The following SSBP2 variants were observed in gnomAD, a reference collection of about 807,000 sequenced individuals.
SSBP2 encodes the protein single-stranded DNA-binding protein 2.
A neutral mutation model predicts 61.8 loss-of-function variants in SSBP2; 17 were observed. That is an observed-to-expected ratio of 0.28 (90% CI 0.19 to 0.41). SSBP2 has a LOEUF of 0.41. Ranked by LOEUF, SSBP2 falls within the 10% of genes least tolerant of loss-of-function variation. The pLI is 1.00. For synonymous variants in SSBP2, 139 were observed against 141.3 expected, an observed-to-expected ratio of 0.98 and a Z score of 0.12; for missense variants, 310 against 458.7, an observed-to-expected ratio of 0.68 and a Z score of 2.96.
chr5:81,441,876 T>C (rs1409975120), intron 13 of SSBP2, among the ~76,000 whole-genome samples: 1 of 152,206 alleles, frequency 6.6e-6, no homozygotes. Flanking sequence ...ATCAAAAGCA[T>C]AGTTTAGATA....
chr5:81,435,701 T>C (rs1364857377), intron 15 of SSBP2, among the ~76,000 whole-genome samples: 20 of 152,214 alleles, frequency 1.3e-4, no homozygotes, highest in Non-Finnish European at 8.8e-5. Context: ...CAGAATTTTG[T>C]TTATATCTAT....
At chr5:81,472,703 G>T (rs1374521775) in intron 8 of SSBP2, among the ~76,000 whole-genome samples, 1 of 152,030 alleles carries the variant, frequency 6.6e-6, no homozygotes, top group Admixed American at 6.6e-5. Context: ...AGGTTTAAGC[G>T]ATTCTTCTGC....
intron 4 of SSBP2, among the ~76,000 whole-genome samples, chr5:81,576,118 T>A (rs957276414): frequency 1.3e-5 from 2 of 152,092 alleles, no homozygotes; most frequent in Non-Finnish European, 2.9e-5. Context: ...ATAGTTTAGT[T>A]CATAGTAGCA....
chr5:81,493,257 G>A (rs1767005259), intron 5 of SSBP2, among the ~76,000 whole-genome samples: 1 of 102,580 alleles, frequency 9.7e-6, no homozygotes, highest in Non-Finnish European at 2.2e-5. Flanking sequence ...AAAACAGATA[G>A]ATAGATAGAT....
intron 1 of SSBP2, among the ~76,000 whole-genome samples, chr5:81,742,222 G>GA (rs577089054): frequency 5.1e-4 from 78 of 152,086 alleles, no homozygotes; most frequent in African/African-American, 1.9e-3. Context: ...CAAAGAAAAT[G>GA]AAAAAATTCT....
At chr5:81,500,803 A>C (rs904641552) in intron 5 of SSBP2, among the ~76,000 whole-genome samples, 8 of 152,136 alleles carry the variant, frequency 5.3e-5, no homozygotes, top group African/African-American at 1.7e-4. Context: ...TATTGCACCA[A>C]GAAGTCTGTT....
At chr5:81,614,740 G>A (rs1197491804) in intron 4 of SSBP2, among the ~76,000 whole-genome samples, 2 of 151,758 alleles carry the variant, frequency 1.3e-5, no homozygotes, top group African/African-American at 4.8e-5. Context: ...CTCTTTTATG[G>A]TTAGTTCTGC....
rs10659647 is a variant in SSBP2, at chr5:81,614,359, C to CAA, written c.282+1112_282+1113dup. On this transcript the variant is annotated intron_variant, in intron 4 of 16. Transcript: ENST00000320672. ...TGGGAGACACAGCGAGACTCCGTCT[C>CAA]AAAAAAAAAAAAAAAAAAAAAAAGA... is the stretch of plus-strand genomic sequence containing the variant. Among the ~76,000 whole-genome samples, 567 of 73,618 alleles carry CAA rather than the reference C, an allele frequency of 7.7e-3. 42 individuals carry two copies. Among genetic ancestry groups the CAA allele is most frequent in the Non-Finnish European group, 0.011 (427 of 39,616 alleles). 48.3% of individuals were successfully genotyped at this position (73,618 alleles called of 152,430 possible).
intron 5 of SSBP2, among the ~76,000 whole-genome samples, chr5:81,497,156 T>G (rs552126830): frequency 6.6e-6 from 1 of 152,354 alleles, no homozygotes; most frequent in Admixed American, 6.5e-5. Context: ...CTGGAACATT[T>G]TTGGTGGAGT....
intron 5 of SSBP2, among the ~76,000 whole-genome samples, chr5:81,491,455 T>C (rs1049025616): frequency 6.6e-6 from 1 of 152,174 alleles, no homozygotes; most frequent in Non-Finnish European, 1.5e-5. Context: ...TTTAGTGGTA[T>C]ATGTAAAAGG....
chr5:81,617,976 C>T (rs1213064993), intron 3 of SSBP2, among the ~76,000 whole-genome samples: 7 of 135,012 alleles, frequency 5.2e-5, no homozygotes, highest in South Asian at 2.4e-4. Context: ...AAGGAACAAC[C>T]GGTACCAGCT....
At chr5:81,470,983 AAT>A (rs1318583510) in intron 8 of SSBP2, among the ~76,000 whole-genome samples, 1 of 151,888 alleles carries the variant, frequency 6.6e-6, no homozygotes, top group Admixed American at 6.6e-5. Context: ...CTATCTTATA[AAT>A]ATGACTCCTG....
intron 10 of SSBP2, among the ~76,000 whole-genome samples, 196 bp downstream of exon 10, chr5:81,460,859 T>G (rs1328486268): frequency 6.6e-6 from 1 of 152,010 alleles, no homozygotes; most frequent in Non-Finnish European, 1.5e-5. Context: ...ACATTAGACC[T>G]TGAAGTGAAA....
At chr5:81,574,208 A>G (rs1346521095) in intron 4 of SSBP2, among the ~76,000 whole-genome samples, 2 of 152,204 alleles carry the variant, frequency 1.3e-5, no homozygotes, top group African/African-American at 4.8e-5. Context: ...ATTAAGCAAC[A>G]ACACTGAGAA....
At chr5:81,686,777 C>G (rs562928909) in intron 1 of SSBP2, among the ~76,000 whole-genome samples, 2 of 149,746 alleles carry the variant, frequency 1.3e-5, no homozygotes, top group Non-Finnish European at 3.0e-5. Flanking sequence ...ATCGCTTGAA[C>G]CCAGGAGGTG....
rs931699668 is a variant in SSBP2 at position 81,420,196 on chromosome 5, G to T, written c.*308C>A. 6.9e-6 allele frequency: 2 copies of T among 290,586 alleles called. No individual in the cohort carries two copies. The highest frequency in any genetic ancestry group is 2.2e-5 in the African/African-American group (1 of 45,976). The allele number at this position is 290,586 out of a possible 1,614,324, so 18.0% of individuals were successfully genotyped here. ...TACAATGTCCTGTGGGTCAATGTAT[G>T]TATGTGTATATGTCTGTATAACATA... On this transcript the variant is annotated 3_prime_UTR_variant, in exon 17 of 17. Coordinates refer to ENST00000320672, the MANE Select transcript of SSBP2 (RefSeq NM_012446.5).
intron 1 of SSBP2, among the ~76,000 whole-genome samples, chr5:81,703,969 GA>G: frequency 6.6e-6 from 1 of 152,294 alleles, no homozygotes; most frequent in South Asian, 2.1e-4. Context: ...TCTGACTATG[GA>G]GCTTTACTGC....
At chr5:81,592,707 C>A (rs7712959) in intron 4 of SSBP2, among the ~76,000 whole-genome samples, 2 of 152,114 alleles carry the variant, frequency 1.3e-5, no homozygotes, top group Non-Finnish European at 2.9e-5. Context: ...CTGCAGCCAC[C>A]GCTGCTGGTA....
At chr5:81,441,982 T>C (rs1763069764) in intron 13 of SSBP2, among the ~76,000 whole-genome samples, 1 of 152,150 alleles carries the variant, frequency 6.6e-6, no homozygotes, top group African/African-American at 2.4e-5. Context: ...TAGGTATGTA[T>C]GTTTGGTCAG....
Sources: allele counts gnomAD v4.1 joint callset (sites outside exome capture counted in the v4.1 genomes callset), GRCh38; gene constraint gnomAD v4.1.1; transcripts MANE v1.5; gene names NCBI Gene and HGNC (gene_info 2026-07-23, HGNC 2026-07-21).